Variants in ASIC2 observed in about 807,000 individuals in gnomAD.
ASIC2 encodes the protein acid sensing ion channel subunit 2, also known as acid-sensing ion channel 2.
Under a neutral mutation model 57.3 loss-of-function variants are expected in ASIC2, and 25 were observed. The observed-to-expected ratio is 0.44, with a 90% CI of 0.32 to 0.61. The LOEUF (loss-of-function observed/expected upper bound fraction) is 0.61, where lower values mean the gene tolerates loss of function less well. ASIC2 is among the 20% of genes least tolerant of loss of function. The probability of loss-of-function intolerance (pLI) is 0.06; values close to 1 mark genes in which losing one functional copy is unlikely to be tolerated. For synonymous variants in ASIC2, 319 were observed against 307.5 expected, an observed-to-expected ratio of 1.04 and a Z score of -0.39; for missense variants, 641 against 738.1, an observed-to-expected ratio of 0.87 and a Z score of 1.52.
chr17:33,982,083 CAT>C (rs1450598798), intron 1 of ASIC2, among the ~76,000 whole-genome samples: 3 of 152,192 alleles, frequency 2.0e-5, no homozygotes, highest in Non-Finnish European at 4.4e-5. Context: ...GACAGATCTG[CAT>C]CCTTGTTCTC....
chr17:34,078,382 C>A (rs1445441613), intron 1 of ASIC2, among the ~76,000 whole-genome samples: 2 of 152,088 alleles, frequency 1.3e-5, no homozygotes, highest in Non-Finnish European at 2.9e-5. Flanking sequence ...CACAGCTGAG[C>A]CCATGAGGGG....
chr17:33,720,365 T>C (rs957317674), intron 1 of ASIC2, among the ~76,000 whole-genome samples: 39 of 152,232 alleles, frequency 2.6e-4, no homozygotes. Context: ...CCCTACAGTT[T>C]CCAAATACTT....
intron 1 of ASIC2, among the ~76,000 whole-genome samples, chr17:33,473,238 T>C (rs1913112921): frequency 1.3e-5 from 2 of 152,252 alleles, no homozygotes; most frequent in Non-Finnish European, 2.9e-5. Flanking sequence ...GTTCGGTTCC[T>C]TCTCCAGGCG....
chr17:34,049,943 G>A (rs1908491785), intron 1 of ASIC2, among the ~76,000 whole-genome samples: 1 of 152,204 alleles, frequency 6.6e-6, no homozygotes, highest in South Asian at 2.1e-4. Context: ...TGTGAGAGCA[G>A]AGTTGAGTCC....
chr17:33,394,062 C>T (rs554674389), intron 1 of ASIC2, among the ~76,000 whole-genome samples: 1 of 152,294 alleles, frequency 6.6e-6, no homozygotes, highest in South Asian at 2.1e-4. Flanking sequence ...AAGAGTTTAG[C>T]ACACCTCTGG....
rs575536906 is a variant in ASIC2, at chr17:33,579,455, A to G, written c.556-467388T>C. 2.6e-5 allele frequency among the ~76,000 whole-genome samples: 4 copies of G among 152,196 alleles called. No individual in the cohort carries two copies. The East Asian group carries it at 5.8e-4, about 22-fold the overall frequency. ...GACTAGGGCTGCGGGGTACCCATCC[A>G]GTTTATTCATTCAACATTCATTGAG... On this transcript the variant is annotated intron_variant, in intron 1 of 9. Transcript: ENST00000359872.
At position 33,562,590 on chromosome 17, in the gene ASIC2, G is replaced by A. The variant is rs76610900; in HGVS notation, c.556-450523C>T. 4.6e-3 allele frequency among the ~76,000 whole-genome samples: 707 copies of A among 152,250 alleles called. 2 individuals are homozygous for A. Among genetic ancestry groups the A allele is most frequent in the Non-Finnish European group, 5.9e-3 (403 of 68,004 alleles). ...AGAGCACGTCACACTCTTGTGCATC[G>A]GAGTGAGTCTTGCCTGATAAGGGAA... On this transcript the variant is annotated intron_variant, in intron 1 of 9. Transcript: ENST00000359872.
At chr17:33,896,334 G>A (rs575749742) in intron 1 of ASIC2, among the ~76,000 whole-genome samples, 25 of 152,146 alleles carry the variant, frequency 1.6e-4, no homozygotes, top group Non-Finnish European at 1.6e-4. Flanking sequence ...CTTTCTCATC[G>A]CCGGCTTTAT....
chr17:34,030,339 C>T (rs551785128), intron 1 of ASIC2, among the ~76,000 whole-genome samples: 93 of 152,232 alleles, frequency 6.1e-4, no homozygotes, highest in Middle Eastern at 6.8e-3. Context: ...TTTTGAGGGC[C>T]TACTATCTGA....
chr17:33,422,240 G>A (rs1306325248), intron 1 of ASIC2, among the ~76,000 whole-genome samples: 3 of 152,178 alleles, frequency 2.0e-5, no homozygotes, highest in African/African-American at 7.2e-5. Context: ...TCAAGGGCAG[G>A]AAACTTCTAT....
At chr17:33,090,473 C>T (rs1358401774) in intron 2 of ASIC2, among the ~76,000 whole-genome samples, 2 of 152,148 alleles carry the variant, frequency 1.3e-5, no homozygotes, top group East Asian at 1.9e-4. Flanking sequence ...TGGGTCAAGC[C>T]TCAATCATTT....
chr17:33,159,640 A>G (rs1463821603), intron 1 of ASIC2, among the ~76,000 whole-genome samples: 1 of 152,168 alleles, frequency 6.6e-6, no homozygotes, highest in Non-Finnish European at 1.5e-5. Context: ...GTCCTAACGA[A>G]AGTGCCTTGA....
At chr17:33,291,364 G>A (rs761735967) in intron 1 of ASIC2, 44 bp downstream of exon 1, 4 of 1,555,050 alleles carry the variant, frequency 2.6e-6, no homozygotes, top group Non-Finnish European at 3.5e-6. Flanking sequence ...GACTGCCGGG[G>A]AGTGGGGCGC....
At chr17:33,052,476 C>CGAGAGGGAA (rs1567727585) in intron 3 of ASIC2, 1 of 152,110 alleles carries the variant, frequency 6.6e-6, no homozygotes, top group Admixed American at 6.6e-5. Context: ...CCTGTCGATG[C>CGAGAGGGAA]GAGAGGGAAG....
chr17:33,842,981 C>T (rs1271726211), intron 1 of ASIC2, among the ~76,000 whole-genome samples: 1 of 152,144 alleles, frequency 6.6e-6, no homozygotes, highest in Non-Finnish European at 1.5e-5. Flanking sequence ...CTGAGCTCCC[C>T]AGCTATGGAT....
At chr17:33,864,960 A>G (rs1914193429) in intron 1 of ASIC2, among the ~76,000 whole-genome samples, 1 of 152,142 alleles carries the variant, frequency 6.6e-6, no homozygotes, top group Non-Finnish European at 1.5e-5. Context: ...ATTTTAATTA[A>G]ATTGTGAGTC....
chr17:33,646,896 A>T (rs369378200), intron 1 of ASIC2, among the ~76,000 whole-genome samples: 2 of 152,146 alleles, frequency 1.3e-5, no homozygotes, highest in South Asian at 2.1e-4. Flanking sequence ...GGGGGAGCTG[A>T]CAGTGAATGG....
intron 1 of ASIC2, among the ~76,000 whole-genome samples, chr17:33,909,726 G>A (rs1378689692): frequency 2.0e-5 from 3 of 152,226 alleles, no homozygotes; most frequent in East Asian, 1.9e-4. Flanking sequence ...GCAAATAAGA[G>A]AATGTTGAAA....
intron 1 of ASIC2, among the ~76,000 whole-genome samples, chr17:33,468,163 T>C (rs1946149183): frequency 6.6e-6 from 1 of 152,200 alleles, no homozygotes; most frequent in African/African-American, 2.4e-5. Flanking sequence ...GAGGAACTCA[T>C]AAATAGCTGT....
Sources: allele counts gnomAD v4.1 joint callset (sites outside exome capture counted in the v4.1 genomes callset), GRCh38; gene constraint gnomAD v4.1.1; transcripts MANE v1.5; gene names NCBI Gene and HGNC (gene_info 2026-07-23, HGNC 2026-07-21).